CERS6: variants seen among roughly 807,000 people sequenced by gnomAD.
The protein encoded by CERS6 is LAG1 homolog, ceramide synthase 6.
A neutral mutation model predicts 56.8 loss-of-function variants in CERS6; 26 were observed. That is an observed-to-expected ratio of 0.46 (90% CI 0.34 to 0.63). The LOEUF (loss-of-function observed/expected upper bound fraction) is 0.63. CERS6 is among the 30% of genes least tolerant of loss of function. The probability of loss-of-function intolerance (pLI) is 0.01; values close to 1 mark genes in which losing one functional copy is unlikely to be tolerated. For missense variants in CERS6, 415 were observed against 467.5 expected, an observed-to-expected ratio of 0.89 and a Z score of 1.04; for synonymous variants, 164 against 173.3, an observed-to-expected ratio of 0.95 and a Z score of 0.42.
chr2:168,488,975 A>G (rs562384505), intron 1 of CERS6, among the ~76,000 whole-genome samples: 1 of 152,284 alleles, frequency 6.6e-6, no homozygotes, highest in East Asian at 1.9e-4. Context: ...GTAGTCTTCT[A>G]TATTTACCGA....
chr2:168,566,664 A>AG (rs1439486745), intron 3 of CERS6, among the ~76,000 whole-genome samples: 1 of 152,184 alleles, frequency 6.6e-6, no homozygotes, highest in Non-Finnish European at 1.5e-5. Flanking sequence ...AATTGATGAC[A>AG]GGGGAAGGGA....
At chr2:168,542,176 C>T (rs1695385181) in intron 1 of CERS6, among the ~76,000 whole-genome samples, 1 of 151,780 alleles carries the variant, frequency 6.6e-6, no homozygotes, top group African/African-American at 2.4e-5. Flanking sequence ...AATCCATTAG[C>T]TCATTCCTAC....
intron 1 of CERS6, among the ~76,000 whole-genome samples, chr2:168,508,256 C>T (rs1694716765): frequency 6.6e-6 from 1 of 152,156 alleles, no homozygotes; most frequent in Admixed American, 6.5e-5. Context: ...AGTGTTGCTT[C>T]CCTGAAAGAA....
chr2:168,477,134 C>CAA (rs1694086721), intron 1 of CERS6, among the ~76,000 whole-genome samples: 1 of 149,204 alleles, frequency 6.7e-6, no homozygotes, highest in Non-Finnish European at 1.5e-5. Flanking sequence ...TTTGTATACT[C>CAA]ACATGGTAGA....
intron 3 of CERS6, among the ~76,000 whole-genome samples, chr2:168,620,036 C>G (rs1684426844): frequency 7.0e-6 from 1 of 142,826 alleles, no homozygotes; most frequent in Non-Finnish European, 1.5e-5. Context: ...CACACACACA[C>G]ACACACACAC....
intron 1 of CERS6, among the ~76,000 whole-genome samples, chr2:168,484,682 C>T (rs1049673522): frequency 3.3e-5 from 5 of 152,052 alleles, no homozygotes; most frequent in East Asian, 3.9e-4. Flanking sequence ...TGTGTTTTAA[C>T]GTAAGTATGT....
intron 1 of CERS6, among the ~76,000 whole-genome samples, chr2:168,514,508 G>A (rs898392359): frequency 6.6e-6 from 1 of 152,194 alleles, no homozygotes; most frequent in African/African-American, 2.4e-5. Context: ...CACTACATAA[G>A]GTTTCCTTTT....
chr2:168,705,348 C>CTTTT (rs1559060263), intron 6 of CERS6, among the ~76,000 whole-genome samples: 1 of 151,854 alleles, frequency 6.6e-6, no homozygotes. Context: ...GAGGAGAAAA[C>CTTTT]GCAAGCATCA....
intron 8 of CERS6, among the ~76,000 whole-genome samples, chr2:168,722,851 G>A (rs778926497): frequency 1.3e-5 from 2 of 152,118 alleles, no homozygotes; most frequent in Non-Finnish European, 2.9e-5. Flanking sequence ...CCACACACAG[G>A]TCACCAAAAC....
At chr2:168,632,233 T>C (rs1220520594) in intron 4 of CERS6, among the ~76,000 whole-genome samples, 1 of 152,164 alleles carries the variant, frequency 6.6e-6, no homozygotes, top group Non-Finnish European at 1.5e-5. Flanking sequence ...TCTATAGTAT[T>C]AGCCTCCAAA....
At chr2:168,717,783 T>A (rs973101529) in intron 7 of CERS6, 89 bp from the exon 8 acceptor site, 3 of 863,872 alleles carry the variant, frequency 3.5e-6, no homozygotes, top group Non-Finnish European at 5.5e-6. Flanking sequence ...TCTGGTAAGG[T>A]ATATCTTATA....
At chr2:168,476,906 A>G (rs923252115) in intron 1 of CERS6, among the ~76,000 whole-genome samples, 5 of 152,112 alleles carry the variant, frequency 3.3e-5, no homozygotes, top group African/African-American at 1.2e-4. Context: ...CCCCAAAATA[A>G]TGCTTTACCA....
chr2:168,529,042 C>A (rs771964522), intron 1 of CERS6, among the ~76,000 whole-genome samples: 114 of 152,270 alleles, frequency 7.5e-4, no homozygotes, highest in Non-Finnish European at 1.5e-3. Flanking sequence ...TTATGGAGAC[C>A]AAGCCATCAT....
intron 6 of CERS6, among the ~76,000 whole-genome samples, chr2:168,709,642 A>G (rs1687039792): frequency 6.6e-6 from 1 of 152,192 alleles, no homozygotes; most frequent in African/African-American, 2.4e-5. Context: ...CTGAAGACCA[A>G]TAAGAAATCA....
intron 4 of CERS6, among the ~76,000 whole-genome samples, chr2:168,657,716 C>G (rs1228132243): frequency 6.6e-6 from 1 of 152,368 alleles, no homozygotes; most frequent in East Asian, 1.9e-4. Flanking sequence ...GCCAGCAGGG[C>G]AGGCTGGCTG....
At chr2:168,551,921 T>C (rs1013499925) in intron 2 of CERS6, among the ~76,000 whole-genome samples, 1 of 152,228 alleles carries the variant, frequency 6.6e-6, no homozygotes, top group African/African-American at 2.4e-5. Flanking sequence ...TTGGGGATTC[T>C]CCTACCATAT....
At position 168,739,642 on chromosome 2, in the gene CERS6, G is replaced by A. The variant is rs1683832075; in HGVS notation, c.845+21664G>A. On this transcript the variant is annotated intron_variant, in intron 8 of 9. Transcript: ENST00000305747. ...TTATTTACTCTTGTTATTTTATGCT[G>A]TTATTTTATTCCATTTTATTTTTTT... Among the ~76,000 whole-genome samples, 3 of 151,944 alleles carry A rather than the reference G, an allele frequency of 2.0e-5. No homozygotes were observed. In the South Asian group the frequency reaches 6.2e-4, roughly 32 times the overall value.
chr2:168,714,979 G>A (rs1687191764), intron 6 of CERS6, 22 bp from the exon 7 acceptor site: 2 of 1,595,478 alleles, frequency 1.3e-6, no homozygotes, highest in Admixed American at 1.8e-5. Context: ...ACTCTAATAT[G>A]GATGTTTCTT....
chr2:168,554,903 CAT>C (rs1695648035), intron 2 of CERS6, among the ~76,000 whole-genome samples: 1 of 151,918 alleles, frequency 6.6e-6, no homozygotes, highest in Admixed American at 6.6e-5. Flanking sequence ...AGTTATGAAT[CAT>C]ATATGTATTA....
Sources: gnomAD v4.1 joint callset for allele counts (sites outside exome capture counted in the v4.1 genomes callset) on GRCh38, gnomAD v4.1.1 for gene constraint, MANE v1.5 for transcripts, NCBI Gene and HGNC (gene_info 2026-07-23, HGNC 2026-07-21) for gene names.